Variants in SYNPR observed in about 807,000 individuals in gnomAD.
SYNPR encodes synaptoporin.
In SYNPR, 23 loss-of-function variants were observed where a neutral mutation model predicts 32.9. That is an observed-to-expected ratio of 0.70 (90% CI 0.50 to 0.99). The LOEUF (loss-of-function observed/expected upper bound fraction) is 0.99, where lower values mean the gene tolerates loss of function less well. Among genes scored for constraint, SYNPR ranks in the 50% least tolerant of loss-of-function variants. The pLI, the probability that SYNPR is intolerant of heterozygous loss-of-function variation, is 0.00. For missense variants in SYNPR, 318 were observed against 349.3 expected, an observed-to-expected ratio of 0.91 and a Z score of 0.71; for synonymous variants, 146 against 135.9, an observed-to-expected ratio of 1.07 and a Z score of -0.52.
the SYNPR span, among the ~76,000 whole-genome samples, chr3:63,201,401 G>T: frequency 6.6e-6 from 1 of 152,042 alleles, no homozygotes; most frequent in African/African-American, 2.4e-5. Context: ...CTGCTGCTTA[G>T]GTACAGAATC....
intron 2 of SYNPR, among the ~76,000 whole-genome samples, chr3:63,355,594 C>A (rs1358871819): frequency 6.6e-6 from 1 of 152,294 alleles, no homozygotes; most frequent in Non-Finnish European, 1.5e-5. Context: ...TTTCAGAAAT[C>A]TTAAAGGTTC....
At chr3:63,210,247 G>A in the SYNPR span, among the ~76,000 whole-genome samples, 3 of 152,068 alleles carry the variant, frequency 2.0e-5, no homozygotes, top group Non-Finnish European at 4.4e-5. Flanking sequence ...TTAGATGCAG[G>A]GCCTACTGTA....
At chr3:63,528,265 C>G (rs1702051891) in intron 3 of SYNPR, among the ~76,000 whole-genome samples, 1 of 152,122 alleles carries the variant, frequency 6.6e-6, no homozygotes, top group African/African-American at 2.4e-5. Flanking sequence ...GTCAAATAAA[C>G]TTTAGGGAAT....
chr3:63,518,040 G>A (rs1163104071), intron 3 of SYNPR, among the ~76,000 whole-genome samples: 1 of 152,188 alleles, frequency 6.6e-6, no homozygotes, highest in Non-Finnish European at 1.5e-5. Context: ...GACTTCACAA[G>A]TACAGCAGTG....
chr3:63,314,697 T>G (rs541311518), intron 2 of SYNPR, among the ~76,000 whole-genome samples: 409 of 152,216 alleles, frequency 2.7e-3, no homozygotes, highest in African/African-American at 8.7e-3. Context: ...TGCTGCCTGC[T>G]CCTTTTGCCG....
chr3:63,328,558 T>C (rs1044903931), intron 2 of SYNPR, among the ~76,000 whole-genome samples: 1 of 152,126 alleles, frequency 6.6e-6, no homozygotes, highest in Non-Finnish European at 1.5e-5. Context: ...GCAATGAACA[T>C]AAAAGCAAAA....
At chr3:63,240,564 G>A (rs1035390339) in intron 1 of SYNPR, among the ~76,000 whole-genome samples, 1 of 152,028 alleles carries the variant, frequency 6.6e-6, no homozygotes, top group South Asian at 2.1e-4. Flanking sequence ...TGGAGGTGGG[G>A]GAGTAAGCGA....
At chr3:63,552,399 G>T (rs977757748) in intron 3 of SYNPR, among the ~76,000 whole-genome samples, 1 of 152,096 alleles carries the variant, frequency 6.6e-6, no homozygotes, top group African/African-American at 2.4e-5. Flanking sequence ...CACTGGCAAG[G>T]GTAGGAAAGG....
At chr3:63,428,576 T>C (rs1469258358) in intron 2 of SYNPR, among the ~76,000 whole-genome samples, 1 of 152,196 alleles carries the variant, frequency 6.6e-6, no homozygotes, top group Non-Finnish European at 1.5e-5. Flanking sequence ...CATTTGTCTA[T>C]GGGAAAACAA....
chr3:63,264,801 T>C (rs1028799242), intron 2 of SYNPR, among the ~76,000 whole-genome samples: 2 of 152,084 alleles, frequency 1.3e-5, no homozygotes, highest in African/African-American at 4.8e-5. Context: ...GGCACTTTCC[T>C]CACAGGGTGG....
At chr3:63,258,699 G>A (rs575047276) in intron 2 of SYNPR, among the ~76,000 whole-genome samples, 2 of 152,064 alleles carry the variant, frequency 1.3e-5, no homozygotes, top group African/African-American at 4.8e-5. Context: ...AAAGCTAGCA[G>A]AAGGCAAGAA....
At chr3:63,565,260 T>C (rs1362616275) in intron 4 of SYNPR, among the ~76,000 whole-genome samples, 1 of 152,178 alleles carries the variant, frequency 6.6e-6, no homozygotes, top group East Asian at 1.9e-4. Context: ...CCCCTGCCGC[T>C]GTCTTAAGTT....
intron 3 of SYNPR, among the ~76,000 whole-genome samples, chr3:63,489,723 G>A (rs1399356736): frequency 6.6e-6 from 1 of 152,132 alleles, no homozygotes; most frequent in Non-Finnish European, 1.5e-5. Context: ...ACATATATAT[G>A]CATATATGCA....
intron 2 of SYNPR, among the ~76,000 whole-genome samples, chr3:63,260,503 A>G (rs1014489205): frequency 1.3e-5 from 2 of 152,230 alleles, no homozygotes; most frequent in Non-Finnish European, 2.9e-5. Context: ...GTGCTGGGAA[A>G]ACTGGCTAGC....
chr3:63,245,016 T>C (rs1338081471), intron 1 of SYNPR, among the ~76,000 whole-genome samples: 7 of 152,150 alleles, frequency 4.6e-5, no homozygotes, highest in Non-Finnish European at 7.4e-5. Flanking sequence ...GGATACATTT[T>C]AAACATAAAA....
intron 2 of SYNPR, among the ~76,000 whole-genome samples, chr3:63,432,065 G>A (rs1054063493): frequency 1.3e-5 from 2 of 152,140 alleles, no homozygotes; most frequent in East Asian, 1.9e-4. Flanking sequence ...AGAGAAAGGA[G>A]TTGGAGGATA....
chr3:63,282,684 G>GGA (rs375207191), intron 2 of SYNPR, among the ~76,000 whole-genome samples: 5 of 115,920 alleles, frequency 4.3e-5, no homozygotes, highest in Non-Finnish European at 6.7e-5. Context: ...CACTGTCTCA[G>GGA]AAAAAAAAAA....
At chr3:63,437,771 C>T (rs1024183063) in intron 2 of SYNPR, among the ~76,000 whole-genome samples, 1 of 152,170 alleles carries the variant, frequency 6.6e-6, no homozygotes, top group Non-Finnish European at 1.5e-5. Flanking sequence ...TAGCCAACTT[C>T]AGAACCCATC....
intron 4 of SYNPR, among the ~76,000 whole-genome samples, chr3:63,590,522 A>G: frequency 1.8e-5 from 1 of 55,802 alleles, no homozygotes; most frequent in Non-Finnish European, 3.2e-5. Flanking sequence ...AAAAGAACAA[A>G]GCTGGAGGCA....
Sources: gnomAD v4.1 joint callset for allele counts (sites outside exome capture counted in the v4.1 genomes callset) on GRCh38, gnomAD v4.1.1 for gene constraint, MANE v1.5 for transcripts, NCBI Gene and HGNC (gene_info 2026-07-23, HGNC 2026-07-21) for gene names.